ASTN2: variants seen among roughly 807,000 people sequenced by gnomAD.
ASTN2 encodes astrotactin 2, also known as astrotactin-2.
In ASTN2, 54 loss-of-function variants were observed where a neutral mutation model predicts 139.8. The observed-to-expected ratio is 0.39, with a 90% confidence interval of 0.31 to 0.48. The LOEUF is 0.48. ASTN2 is among the 20% of genes least tolerant of loss of function. The probability of loss-of-function intolerance (pLI) is 0.95; values close to 1 mark genes in which losing one functional copy is unlikely to be tolerated. For missense variants in ASTN2, 1,565 were observed against 1,725.1 expected, an observed-to-expected ratio of 0.91 and a Z score of 1.64; for synonymous variants, 756 against 719.5, an observed-to-expected ratio of 1.05 and a Z score of -0.81.
intron 19 of ASTN2, chr9:116,546,415 C>T (rs958683732): frequency 1.3e-5 from 2 of 152,024 alleles, no homozygotes; most frequent in African/African-American, 4.8e-5. Context: ...GCTGACTTGC[C>T]CAATGTTGAA....
chr9:117,397,350 T>A (rs1012701810), intron 1 of ASTN2, among the ~76,000 whole-genome samples: 2 of 152,158 alleles, frequency 1.3e-5, no homozygotes, highest in African/African-American at 4.8e-5. Flanking sequence ...AGGACTAAGT[T>A]GATTATACTA....
Position 116,871,334 on chromosome 9 carries a change from G to C in ASTN2, c.1890-7601C>G, listed in dbSNP as rs566514094. ...TTTTAAAGAAAGAACGCTTTGTTGA[G>C]ATATAATTCACATACCATATGATTT... On this transcript the variant is annotated intron_variant, in intron 10 of 22. Transcript: ENST00000313400. Among the ~76,000 whole-genome samples the C allele has an allele frequency of 3.3e-5, 5 of 152,288 alleles. No homozygotes were observed. In the South Asian group the frequency reaches 1.0e-3, roughly 32 times the overall value.
At chr9:116,624,497 A>C (rs187420762) in intron 17 of ASTN2, among the ~76,000 whole-genome samples, 2 of 152,358 alleles carry the variant, frequency 1.3e-5, no homozygotes, top group Non-Finnish European at 2.9e-5. Flanking sequence ...GGCTATGAGA[A>C]TACAGAAGGA....
At chr9:117,124,012 G>A (rs866706289) in intron 4 of ASTN2, among the ~76,000 whole-genome samples, 1 of 152,042 alleles carries the variant, frequency 6.6e-6, no homozygotes, top group Non-Finnish European at 1.5e-5. Context: ...GAATTGCATC[G>A]AATTTATAGG....
chr9:117,085,050 C>T (rs1828526057), intron 5 of ASTN2, among the ~76,000 whole-genome samples: 1 of 152,280 alleles, frequency 6.6e-6, no homozygotes, highest in African/African-American at 2.4e-5. Flanking sequence ...AGTGCCCAGC[C>T]TCCTATGCAG....
chr9:116,456,802 G>T (rs1848347420), intron 20 of ASTN2, among the ~76,000 whole-genome samples: 1 of 151,966 alleles, frequency 6.6e-6, no homozygotes, highest in South Asian at 2.1e-4. Context: ...GATTTGGGTG[G>T]GGACATGGCC....
At chr9:116,813,435 T>A (rs150579831) in intron 12 of ASTN2, among the ~76,000 whole-genome samples, 177 of 152,344 alleles carry the variant, frequency 1.2e-3, no homozygotes, top group African/African-American at 4.0e-3. Flanking sequence ...AGCTCACTAA[T>A]CAAGGTCACA....
At chr9:116,780,103 CTAACT>C (rs1488640016) in intron 13 of ASTN2, among the ~76,000 whole-genome samples, 1 of 152,194 alleles carries the variant, frequency 6.6e-6, no homozygotes, top group African/African-American at 2.4e-5. Flanking sequence ...CTGTCAGAAT[CTAACT>C]TGAGTACTGA....
At chr9:117,344,518 C>T (rs1829156379) in intron 1 of ASTN2, among the ~76,000 whole-genome samples, 1 of 152,172 alleles carries the variant, frequency 6.6e-6, no homozygotes, top group Non-Finnish European at 1.5e-5. Context: ...TGGAAGACAG[C>T]AGTGCCCAGG....
chr9:116,909,333 T>A (rs1051380873), intron 10 of ASTN2, among the ~76,000 whole-genome samples: 2 of 152,088 alleles, frequency 1.3e-5, no homozygotes, highest in Admixed American at 6.6e-5. Context: ...CTTGAAAAAT[T>A]GCTGCATTTT....
chr9:116,698,756 C>T lies in ASTN2; in HGVS notation c.2806+27015G>A. 3 of 1,614,178 alleles carry T rather than the reference C, an allele frequency of 1.9e-6. No homozygotes were observed. The highest frequency in any genetic ancestry group is 2.5e-6 in the Non-Finnish European group (3 of 1,180,036). On this transcript the variant is annotated intron_variant, in intron 16 of 22. Coordinates refer to ENST00000313400, the MANE Select transcript of ASTN2 (RefSeq NM_001365068.1). This position sits in a 1 kb window ranked among gnomAD's most constrained non-coding sequence, Gnocchi z 4.4. ...AGGAAGTGGTTGCCAGCCCTAGGGC[C>T]TCACCTGCTAAACAGCGGGGTCCTG... is the stretch of plus-strand genomic sequence containing the variant.
At chr9:116,473,450 G>A (rs987729781) in intron 20 of ASTN2, among the ~76,000 whole-genome samples, 1 of 152,200 alleles carries the variant, frequency 6.6e-6, no homozygotes, top group African/African-American at 2.4e-5. Context: ...TACGTCAGAT[G>A]ATGGGGGAAA....
At chr9:116,881,058 G>A (rs1383671265) in intron 10 of ASTN2, among the ~76,000 whole-genome samples, 1 of 152,106 alleles carries the variant, frequency 6.6e-6, no homozygotes, top group Non-Finnish European at 1.5e-5. Flanking sequence ...AACATGAGGA[G>A]GAGAAAAGGA....
At chr9:117,149,687 T>A (rs1016589080) in intron 3 of ASTN2, among the ~76,000 whole-genome samples, 1 of 152,170 alleles carries the variant, frequency 6.6e-6, no homozygotes, top group Non-Finnish European at 1.5e-5. Flanking sequence ...TATTCCATCT[T>A]ATATAGGAGT....
chr9:116,653,306 G>A (rs1806056216), intron 16 of ASTN2, among the ~76,000 whole-genome samples: 2 of 152,128 alleles, frequency 1.3e-5, no homozygotes, highest in Non-Finnish European at 2.9e-5. Flanking sequence ...AGAAAAAGAG[G>A]GAAACTGAGC....
At chr9:117,256,221 C>A (rs1056699158) in intron 2 of ASTN2, among the ~76,000 whole-genome samples, 1 of 152,106 alleles carries the variant, frequency 6.6e-6, no homozygotes. Context: ...CCTGTGCTTC[C>A]TCCTCCTATG....
At chr9:116,438,051 C>A (rs568282102) in intron 22 of ASTN2, among the ~76,000 whole-genome samples, 1 of 152,102 alleles carries the variant, frequency 6.6e-6, no homozygotes. Context: ...ATTTCCTTAT[C>A]GTCCAAAAAA....
chr9:116,581,904 C>T (rs1853968573), intron 19 of ASTN2: 1 of 152,156 alleles, frequency 6.6e-6, no homozygotes, highest in Admixed American at 6.5e-5. Context: ...TTAACTTTAA[C>T]TAATCCCATC....
chr9:116,825,213 A>T (rs1831593699), intron 11 of ASTN2, among the ~76,000 whole-genome samples: 1 of 152,194 alleles, frequency 6.6e-6, no homozygotes, highest in Non-Finnish European at 1.5e-5. Context: ...GATTTGTGAC[A>T]CTGAGCATAT....
Sources: allele counts gnomAD v4.1 joint callset (sites outside exome capture counted in the v4.1 genomes callset), GRCh38; gene constraint gnomAD v4.1.1; non-coding constraint Gnocchi (gnomAD v3.1); transcripts MANE v1.5; gene names NCBI Gene and HGNC (gene_info 2026-07-23, HGNC 2026-07-21).